The following MYO10 variants were observed in gnomAD, a reference collection of about 807,000 sequenced individuals.
MYO10 encodes the protein myosin X.
A neutral mutation model predicts 257.3 loss-of-function variants in MYO10; 133 were observed. The ratio of observed to expected loss-of-function variants is 0.52; its 90% CI spans 0.45 to 0.60. MYO10 has a LOEUF of 0.60. Ranked by LOEUF, MYO10 falls within the 20% of genes least tolerant of loss-of-function variation. The probability of loss-of-function intolerance (pLI) is 0.00; values close to 1 mark genes in which losing one functional copy is unlikely to be tolerated. For synonymous variants in MYO10, 1,104 were observed against 1,028.6 expected (o/e 1.07, Z -1.40); for missense variants, 2,399 against 2,635.7 (o/e 0.91, Z 1.97).
intron 3 of MYO10, among the ~76,000 whole-genome samples, chr5:16,808,113 T>G (rs1742330971): frequency 1.3e-5 from 2 of 152,168 alleles, no homozygotes; most frequent in South Asian, 4.1e-4. Context: ...TTCTAGTGCT[T>G]TATGCCCACT....
intron 19 of MYO10, among the ~76,000 whole-genome samples, chr5:16,750,515 G>A (rs1317990806): frequency 6.6e-6 from 1 of 152,122 alleles, no homozygotes; most frequent in Non-Finnish European, 1.5e-5. Flanking sequence ...AGGAGAGGCA[G>A]CCTGCCGTAG....
At chr5:16,913,348 G>A (rs761443306) in intron 1 of MYO10, among the ~76,000 whole-genome samples, 11 of 152,206 alleles carry the variant, frequency 7.2e-5, no homozygotes, top group Non-Finnish European at 1.5e-4. Flanking sequence ...GGTAATGCTA[G>A]AAGGAATCCA....
rs1330312487 is a variant in MYO10 at position 16,681,427 on chromosome 5, G to C, written c.4266C>G (p.Thr1422=). The stretch of plus-strand genomic sequence containing the variant: ...TCTTGTAGTAATCCAGGGAATTGTG[G>C]GTGAGTACAAACCACCGTTTCTTCA... The part of the protein sequence containing the change: ...LKLKKRWFVL[T]HNSLDYYKSS... The change falls in exon 32 of 41, where the codon ACC becomes ACG. Residue 1422 remains threonine (T), a synonymous_variant. Transcript: ENST00000513610. 6.2e-7 allele frequency: 1 copy of C among 1,613,842 alleles called. No individual in the cohort carries two copies. Among genetic ancestry groups the C allele is most frequent in the South Asian group, 1.1e-5 (1 of 91,070 alleles).
intron 19 of MYO10, among the ~76,000 whole-genome samples, chr5:16,741,499 C>T (rs1320612119): frequency 6.6e-6 from 1 of 152,150 alleles, no homozygotes. Flanking sequence ...CCACCAATTT[C>T]CCCCTTCAAC....
chr5:16,747,012 A>C (rs566842458), intron 19 of MYO10, among the ~76,000 whole-genome samples: 11 of 152,292 alleles, frequency 7.2e-5, no homozygotes, highest in African/African-American at 2.6e-4. Flanking sequence ...GGCAGATAAC[A>C]AAGGCCTGTG....
intron 2 of MYO10, among the ~76,000 whole-genome samples, chr5:16,829,899 ACACG>A (rs772190221): frequency 7.9e-5 from 11 of 139,778 alleles, no homozygotes; most frequent in African/African-American, 1.9e-4. Context: ...ACACACACAC[ACACG>A]CACACGCACA....
rs996396581 is a variant in MYO10 at position 16,703,862 on chromosome 5, G to A, written c.2277-704C>T. Among the ~76,000 whole-genome samples the A allele has an allele frequency of 1.0e-4, 14 of 134,036 alleles. 1 individual carries two copies. The East Asian group carries it at 3.0e-3, about 29-fold the overall frequency. The allele number at this position is 134,036 out of a possible 152,430, so 87.9% of individuals were successfully genotyped here. On this transcript the variant is annotated intron_variant, in intron 22 of 40. Transcript: ENST00000513610. ...GCACCATTGCACTCCAGCCAGACGA[G>A]CGAGCGAGACTCTGTCTCAAAAAAA...
chr5:16,825,272 C>T (rs768203368), intron 2 of MYO10, among the ~76,000 whole-genome samples: 5 of 152,206 alleles, frequency 3.3e-5, no homozygotes, highest in Non-Finnish European at 7.3e-5. Flanking sequence ...CCCTGCCACT[C>T]TCTTCCTTAT....
chr5:16,935,804 T>C lies in MYO10; in HGVS notation c.5A>G (p.Asp2Gly), dbSNP rs1041475746. 8.7e-6 allele frequency: 14 copies of C among 1,613,174 alleles called. No individual in the cohort carries two copies. The highest frequency in any genetic ancestry group is 1.1e-5 in the Non-Finnish European group (13 of 1,179,714). ...CGCACTTACCTCGGTGAAGAAGTTA[T>C]CCATTGTTCCAGCGCAGTCCCGGAC... M[D>G]NFFTEGTRVW... The change falls in exon 1 of 41, where the codon GAT (aspartate) becomes GGT (glycine). Residue 2 changes from aspartate to glycine, a missense_variant. Physicochemically the swap from Asp to Gly is moderately conservative, Grantham distance 94 (BLOSUM62 -1). Coordinates refer to ENST00000513610, the MANE Select transcript of MYO10 (RefSeq NM_012334.3).
At chr5:16,818,254 A>C in intron 2 of MYO10, 87 bp from the exon 3 acceptor site, 1 of 1,138,526 alleles carries the variant, frequency 8.8e-7, no homozygotes, top group Non-Finnish European at 1.2e-6. Context: ...ATACAATCTC[A>C]GTATAATTTC....
Position 16,682,029 on chromosome 5 carries a change from A to T in MYO10, c.4047-16T>A, listed in dbSNP as rs770911502. 6.2e-7 allele frequency: 1 copy of T among 1,611,204 alleles called. No homozygotes were observed. The highest frequency in any genetic ancestry group is 8.5e-7 in the Non-Finnish European group (1 of 1,179,474). On this transcript the variant is annotated splice_polypyrimidine_tract_variant and intron_variant, in intron 30 of 40. Coordinates refer to ENST00000513610, the MANE Select transcript of MYO10 (RefSeq NM_012334.3). ...CGAGTTGGGTCTGAGCCACAAGATG[A>T]GAAGGAAACAAAGCCCCTTAGCCCT...
chr5:16,790,798 G>C (rs938796041), intron 4 of MYO10, among the ~76,000 whole-genome samples: 4 of 151,862 alleles, frequency 2.6e-5, no homozygotes, highest in African/African-American at 9.7e-5. Flanking sequence ...TGGCCTATAC[G>C]GTGTATGAAA....
intron 33 of MYO10, among the ~76,000 whole-genome samples, chr5:16,677,533 A>G (rs1736791368): frequency 6.7e-6 from 1 of 148,298 alleles, no homozygotes; most frequent in Non-Finnish European, 1.5e-5. Flanking sequence ...CTCCTGCCTC[A>G]GCCTCCCGAG....
intron 19 of MYO10, among the ~76,000 whole-genome samples, chr5:16,754,033 C>A (rs1364461695): frequency 6.6e-6 from 1 of 151,900 alleles, no homozygotes; most frequent in African/African-American, 2.4e-5. Flanking sequence ...AATTAAATTA[C>A]ATAAAAATTA....
At chr5:16,888,918 TC>T in intron 1 of MYO10, among the ~76,000 whole-genome samples, 1 of 152,238 alleles carries the variant, frequency 6.6e-6, no homozygotes, top group African/African-American at 2.4e-5. Context: ...ATGCCTGGAA[TC>T]CCAGCACTTT....
In MYO10 at chr5:16,824,482, TGA is replaced by T. The variant is rs553517485; in HGVS notation, c.121-6317_121-6316del. On this transcript the variant is annotated intron_variant, in intron 2 of 40. Transcript: ENST00000513610. ...ACAATAGTACGGTCTAGAAATGTCC[TGA>T]GATGCCAAACAACCAGATGTCTACC... is the stretch of plus-strand genomic sequence containing the variant. Among the ~76,000 whole-genome samples, 347 of 152,292 alleles carry T rather than the reference TGA, an allele frequency of 2.3e-3. 1 individual carries two copies. Among genetic ancestry groups the T allele is most frequent in the African/African-American group, 7.9e-3 (330 of 41,566 alleles).
intron 1 of MYO10, among the ~76,000 whole-genome samples, chr5:16,935,424 C>T (rs1166984079): frequency 6.6e-6 from 1 of 152,152 alleles, no homozygotes; most frequent in Non-Finnish European, 1.5e-5. Flanking sequence ...CCCCGCTGAA[C>T]ATTTTATTGG....
chr5:16,927,251 C>A (rs571307984), intron 1 of MYO10, among the ~76,000 whole-genome samples: 3 of 45,508 alleles, frequency 6.6e-5, no homozygotes, highest in African/African-American at 1.8e-4. Context: ...AATGCATCTA[C>A]CACAAACATG....
chr5:16,735,120 C>T (rs1436788270), intron 19 of MYO10, among the ~76,000 whole-genome samples: 1 of 152,218 alleles, frequency 6.6e-6, no homozygotes, highest in Non-Finnish European at 1.5e-5. Context: ...CCTCATCCAT[C>T]ATTTTACTCC....
Sources: allele counts gnomAD v4.1 joint callset (sites outside exome capture counted in the v4.1 genomes callset), GRCh38; gene constraint gnomAD v4.1.1; transcripts MANE v1.5; gene names NCBI Gene and HGNC (gene_info 2026-07-23, HGNC 2026-07-21).